The following DAB1 variants were observed in gnomAD, a reference collection of about 807,000 sequenced individuals.
DAB1 encodes disabled homolog 1.
A neutral mutation model predicts 64.6 loss-of-function variants in DAB1; 15 were observed. That is an observed-to-expected ratio of 0.23 (90% confidence interval 0.16 to 0.36). The LOEUF (loss-of-function observed/expected upper bound fraction) is 0.36. Among genes scored for constraint, DAB1 ranks in the 10% least tolerant of loss-of-function variants. The pLI is 1.00. For synonymous variants in DAB1, 235 were observed against 251.9 expected, an observed-to-expected ratio of 0.93 and a Z score of 0.64; for missense variants, 596 against 706.7, an observed-to-expected ratio of 0.84 and a Z score of 1.78.
chr1:57,755,728 TG>T (rs1446751405), intron 6 of DAB1, among the ~76,000 whole-genome samples: 1 of 152,152 alleles, frequency 6.6e-6, no homozygotes, highest in Non-Finnish European at 1.5e-5. Context: ...TATACATCTC[TG>T]GGGATGATAA....
intron 3 of DAB1, among the ~76,000 whole-genome samples, chr1:58,423,174 G>C (rs1644789007): frequency 6.6e-6 from 1 of 152,162 alleles, no homozygotes; most frequent in African/African-American, 2.4e-5. Flanking sequence ...TAAAGCCTGA[G>C]AAACCTCTTT....
At chr1:57,695,751 T>TTA (rs1646836903) in intron 6 of DAB1, among the ~76,000 whole-genome samples, 1 of 151,864 alleles carries the variant, frequency 6.6e-6, no homozygotes, top group Admixed American at 6.6e-5. Flanking sequence ...AATACAAAAA[T>TTA]TAGTCAGGTG....
At chr1:58,298,245 G>A (rs1327071325) in intron 4 of DAB1, among the ~76,000 whole-genome samples, 2 of 152,162 alleles carry the variant, frequency 1.3e-5, no homozygotes, top group Non-Finnish European at 2.9e-5. Context: ...TGGCTAGAGA[G>A]CTTAAAGCCA....
At chr1:57,408,925 C>CT (rs147225590) in intron 1 of DAB1, among the ~76,000 whole-genome samples, 1,567 of 152,256 alleles carry the variant, frequency 0.01, 9 homozygotes, top group African/African-American at 0.028. Context: ...GATTCACTCA[C>CT]TGGGAAACAC....
intron 4 of DAB1, among the ~76,000 whole-genome samples, chr1:58,223,551 T>G (rs1473995630): frequency 6.6e-6 from 1 of 152,246 alleles, no homozygotes. Context: ...CATTGACACC[T>G]TCTTGGCTTG....
intron 1 of DAB1, among the ~76,000 whole-genome samples, chr1:57,300,937 G>A (rs1673593595): frequency 6.6e-6 from 1 of 152,004 alleles, no homozygotes; most frequent in African/African-American, 2.4e-5. Context: ...TAACAGGGGA[G>A]CAATTGATAC....
chr1:57,483,566 A>G (rs548587388), intron 7 of DAB1, among the ~76,000 whole-genome samples: 79 of 152,272 alleles, frequency 5.2e-4, no homozygotes, highest in Non-Finnish European at 7.6e-4. Flanking sequence ...GAGCATGAGA[A>G]CAGACTAATA....
intron 3 of DAB1, among the ~76,000 whole-genome samples, chr1:58,437,651 T>C (rs1644959675): frequency 6.6e-6 from 1 of 152,260 alleles, no homozygotes; most frequent in Non-Finnish European, 1.5e-5. Context: ...TTTACTTTCA[T>C]ATCCTCTACT....
intron 6 of DAB1, among the ~76,000 whole-genome samples, chr1:57,805,689 G>T (rs1464939389): frequency 6.6e-6 from 1 of 152,034 alleles, no homozygotes; most frequent in Non-Finnish European, 1.5e-5. Context: ...TATCCAATAG[G>T]CATCTCACAC....
chr1:57,292,113 T>A (rs867823663), intron 1 of DAB1, among the ~76,000 whole-genome samples: 2 of 152,328 alleles, frequency 1.3e-5, no homozygotes, highest in Middle Eastern at 6.8e-3. Flanking sequence ...AAATGGATCT[T>A]CGAATTGTGC....
rs1392837543 is a variant in DAB1, at chr1:57,866,337, A to C, written n.87+17662T>G. The C allele has an allele frequency of 2.0e-5, 3 of 152,114 alleles. No individual in the cohort carries two copies. The East Asian group carries it at 5.8e-4, about 29-fold the overall frequency. The allele number at this position is 152,114 out of a possible 1,614,324, so 9.4% of individuals were successfully genotyped here. On this transcript the variant is annotated intron_variant and non_coding_transcript_variant, in intron 1 of 1. Coordinates refer to the DAB1 transcript ENST00000477280. Reference sequence around the variant, plus strand: ...AACTCCGAGACCATCTCTCCTATTCATTTACATCCTCAGAACTTAGCACGA... The same window carrying C: ...AACTCCGAGACCATCTCTCCTATTCCTTTACATCCTCAGAACTTAGCACGA...
At chr1:57,710,166 A>T (rs1267983224) in intron 6 of DAB1, among the ~76,000 whole-genome samples, 2 of 151,772 alleles carry the variant, frequency 1.3e-5, no homozygotes, top group African/African-American at 4.8e-5. Context: ...ACCCATGTCA[A>T]TTTGTTTGCT....
intron 4 of DAB1, among the ~76,000 whole-genome samples, chr1:57,085,150 G>A (rs969050343): frequency 2.0e-5 from 3 of 152,142 alleles, no homozygotes; most frequent in Non-Finnish European, 4.4e-5. Flanking sequence ...TGAGGTTCAG[G>A]GGGATTAAGC....
chr1:58,136,267 C>T (rs550666794), intron 5 of DAB1, among the ~76,000 whole-genome samples: 12 of 152,212 alleles, frequency 7.9e-5, no homozygotes, highest in African/African-American at 2.6e-4. Flanking sequence ...CTTCTCCACC[C>T]ACCACCCATA....
At chr1:57,311,522 C>CA (rs1674702506) in intron 1 of DAB1, among the ~76,000 whole-genome samples, 3 of 149,970 alleles carry the variant, frequency 2.0e-5, no homozygotes, top group African/African-American at 4.9e-5. Flanking sequence ...CTGCCAACCA[C>CA]CACACACACA....
At chr1:58,219,025 C>CTCTCTG (rs376130413) in intron 4 of DAB1, among the ~76,000 whole-genome samples, 1,981 of 129,470 alleles carry the variant, frequency 0.015, 53 homozygotes, top group African/African-American at 0.052. Context: ...CTCTCTCTCT[C>CTCTCTG]TGTGTGTGTG....
At chr1:58,541,293 C>CAAAAAAAAAAAAAAAAAAAAAAAAAAA (rs71043292) in intron 1 of DAB1, among the ~76,000 whole-genome samples, 2 of 27,572 alleles carry the variant, frequency 7.3e-5, no homozygotes, top group Admixed American at 8.1e-4. Flanking sequence ...GACTCTGTCT[C>CAAAAAAAAAAAAAAAAAAAAAAAAAAA]AAAAAAAAAA....
chr1:58,296,281 A>G (rs1259752709), intron 4 of DAB1, among the ~76,000 whole-genome samples: 6 of 152,004 alleles, frequency 3.9e-5, no homozygotes, highest in Admixed American at 2.6e-4. Context: ...GCAGTCAACA[A>G]CTCCTTACTG....
intron 2 of DAB1, among the ~76,000 whole-genome samples, chr1:57,196,002 A>G (rs1361914679): frequency 6.6e-6 from 1 of 152,118 alleles, no homozygotes; most frequent in Admixed American, 6.6e-5. Flanking sequence ...GTAAAGCAAC[A>G]GAAAGCAGTC....
Sources: allele counts gnomAD v4.1 joint callset (sites outside exome capture counted in the v4.1 genomes callset), GRCh38; gene constraint gnomAD v4.1.1; transcripts MANE v1.5; gene names NCBI Gene and HGNC (gene_info 2026-07-23, HGNC 2026-07-21).